RCAN2: variants seen among roughly 807,000 people sequenced by gnomAD.
RCAN2 encodes the protein regulator of calcineurin 2, also known as calcipressin-2.
RCAN2 carries 9 observed loss-of-function variants against 23.6 expected under a neutral mutation model. The ratio of observed to expected loss-of-function variants is 0.38; its 90% CI spans 0.23 to 0.67. The LOEUF (loss-of-function observed/expected upper bound fraction) is 0.67, where lower values mean the gene tolerates loss of function less well. Among genes scored for constraint, RCAN2 ranks in the 30% least tolerant of loss-of-function variants. RCAN2 has a pLI of 0.51. For missense variants in RCAN2, 273 were observed against 302.3 expected, an observed-to-expected ratio of 0.90 and a Z score of 0.72; for synonymous variants, 109 against 115.7, an observed-to-expected ratio of 0.94 and a Z score of 0.37.
At chr6:46,243,809 C>CA (rs376524527) in intron 4 of RCAN2, among the ~76,000 whole-genome samples, 2,747 of 54,922 alleles carry the variant, frequency 0.05, 346 homozygotes, top group East Asian at 0.18. Flanking sequence ...GATTCTGTCT[C>CA]AAAAAAAAAA....
chr6:46,237,638 T>C (rs1289329037), intron 4 of RCAN2, among the ~76,000 whole-genome samples: 1 of 152,196 alleles, frequency 6.6e-6, no homozygotes, highest in African/African-American at 2.4e-5. Context: ...TTGTTGTGTA[T>C]CGCTAATCCC....
rs555409298 is a variant in RCAN2 at position 46,293,965 on chromosome 6, T to G, written c.226-45069A>C. ...TTTTTTTTTGAGAATTGGAAAGACT[T>G]CAGAATAGCCTGTACTGTATTTATG... On this transcript the variant is annotated intron_variant, in intron 2 of 4. Transcript: ENST00000371374. Among the ~76,000 whole-genome samples, 3 of 152,206 alleles carry G rather than the reference T, an allele frequency of 2.0e-5. No individual in the cohort carries two copies. In the East Asian group the frequency reaches 5.8e-4, roughly 29 times the overall value.
chr6:46,303,857 G>A (rs752123138), intron 2 of RCAN2, among the ~76,000 whole-genome samples: 5 of 151,912 alleles, frequency 3.3e-5, no homozygotes, highest in Non-Finnish European at 7.4e-5. Flanking sequence ...CTATTTTTTG[G>A]TATGGACATT....
At chr6:46,263,539 A>ATGTGTGTGTG (rs59953064) in intron 2 of RCAN2, among the ~76,000 whole-genome samples, 2 of 82,374 alleles carry the variant, frequency 2.4e-5, no homozygotes, top group African/African-American at 3.4e-5. Context: ...GTGTGTGTGT[A>ATGTGTGTGTG]TGTGTGTGTG....
intron 2 of RCAN2, among the ~76,000 whole-genome samples, chr6:46,341,524 G>A (rs1764316697): frequency 6.6e-6 from 1 of 152,172 alleles, no homozygotes; most frequent in African/African-American, 2.4e-5. Context: ...ACTGGCCGGG[G>A]GCGGTGGCTC....
intron 4 of RCAN2, among the ~76,000 whole-genome samples, chr6:46,242,416 C>G (rs923089337): frequency 6.6e-6 from 1 of 152,174 alleles, no homozygotes; most frequent in African/African-American, 2.4e-5. Context: ...TGACTTAGCC[C>G]GAGTCCCATC....
Position 46,364,465 on chromosome 6 carries a change from T to C in RCAN2, c.225+92287A>G, listed in dbSNP as rs1765106459. 2.6e-5 allele frequency among the ~76,000 whole-genome samples: 4 copies of C among 152,114 alleles called. No homozygotes were observed. The South Asian group carries it at 8.3e-4, about 32-fold the overall frequency. ...TCAGTAAGTTGCATAATCTGACATA[T>C]CTCCAAGTTCTCCAATACTACCTAG... On this transcript the variant is annotated intron_variant, in intron 2 of 4. Coordinates refer to ENST00000371374, the MANE Select transcript of RCAN2 (RefSeq NM_001251974.2).
chr6:46,299,561 G>A lies in RCAN2; in HGVS notation c.226-50665C>T, dbSNP rs574428961. 3.9e-5 allele frequency among the ~76,000 whole-genome samples: 6 copies of A among 152,066 alleles called. No individual in the cohort carries two copies. In the East Asian group the frequency reaches 1.2e-3, roughly 29 times the overall value. On this transcript the variant is annotated intron_variant, in intron 2 of 4. Transcript: ENST00000371374. ...TTCATTTTCTCACATGAAAACTTGA[G>A]CTACTAAGAAGGCTTTCTTCCCCTC...
rs772357263 is a variant in RCAN2, at chr6:46,456,923, G to A, written c.54C>T (p.His18=). ...IGMRSPGQQG[H]VPEDGGLFLL... ...AGAAAAGTCCTCCATCTTCAGGGACGTGTCCCTGCTGCCCTGGGCTCCTCA... is the reference window on the plus strand; with the variant it reads ...AGAAAAGTCCTCCATCTTCAGGGACATGTCCCTGCTGCCCTGGGCTCCTCA... Residue 18 remains histidine, a synonymous_variant, in exon 2 of 5, where the codon CAC becomes CAT. Transcript: ENST00000371374. 5.8e-6 allele frequency: 9 copies of A among 1,550,678 alleles called. No homozygotes were observed. Among genetic ancestry groups the A allele is most frequent in the East Asian group, 4.9e-5 (2 of 40,930 alleles).
intron 2 of RCAN2, among the ~76,000 whole-genome samples, chr6:46,266,330 T>G (rs1157544366): frequency 6.6e-6 from 1 of 152,224 alleles, no homozygotes; most frequent in Non-Finnish European, 1.5e-5. Flanking sequence ...ACTGGTTTGT[T>G]CTTACAATCA....
chr6:46,446,315 C>A (rs968275980), intron 2 of RCAN2, among the ~76,000 whole-genome samples: 1 of 107,656 alleles, frequency 9.3e-6, no homozygotes, highest in East Asian at 2.6e-4. Context: ...GGTGGGGGTG[C>A]TGGGGGGAAA....
In RCAN2 at chr6:46,405,954, C is replaced by T. The variant is rs769383265; in HGVS notation, c.225+50798G>A. Among the ~76,000 whole-genome samples the T allele has an allele frequency of 6.0e-4, 91 of 152,328 alleles. 1 individual carries two copies. The highest frequency in any genetic ancestry group is 1.1e-3 in the Non-Finnish European group (72 of 68,024). ...CCTGGCAAGAGATCGAGCACAGCGC[C>T]GGTGGGTTGGCACTGCTGGGGGACC... On this transcript the variant is annotated intron_variant, in intron 2 of 4. Transcript: ENST00000371374.
intron 2 of RCAN2, among the ~76,000 whole-genome samples, chr6:46,394,392 G>C (rs1766027315): frequency 6.7e-6 from 1 of 149,186 alleles, no homozygotes; most frequent in South Asian, 2.2e-4. Flanking sequence ...GCCTATGTTA[G>C]TTTCACATTT....
At chr6:46,239,332 G>C (rs1254670277) in intron 4 of RCAN2, among the ~76,000 whole-genome samples, 1 of 152,188 alleles carries the variant, frequency 6.6e-6, no homozygotes, top group African/African-American at 2.4e-5. Context: ...CAGAGTCCAG[G>C]GAATTCAGTC....
At chr6:46,392,300 A>G (rs1261047674) in intron 2 of RCAN2, among the ~76,000 whole-genome samples, 2 of 152,196 alleles carry the variant, frequency 1.3e-5, no homozygotes, top group Non-Finnish European at 2.9e-5. Context: ...TTGGTATGGA[A>G]AAAGAAAGAA....
chr6:46,456,079 T>G (rs930623988), intron 2 of RCAN2, among the ~76,000 whole-genome samples: 1 of 152,188 alleles, frequency 6.6e-6, no homozygotes, highest in Non-Finnish European at 1.5e-5. Flanking sequence ...TTACTGTGAT[T>G]GCCAAAAACA....
intron 2 of RCAN2, among the ~76,000 whole-genome samples, chr6:46,263,521 A>ATGTGTG (rs1166873309): frequency 0.44 from 46,146 of 104,174 alleles, 9,261 homozygotes; most frequent in East Asian, 0.52. Context: ...GTATGTGTGT[A>ATGTGTG]TGTGTGTGTG....
At chr6:46,316,731 G>T (rs184729215) in intron 2 of RCAN2, among the ~76,000 whole-genome samples, 1 of 152,278 alleles carries the variant, frequency 6.6e-6, no homozygotes, top group African/African-American at 2.4e-5. Flanking sequence ...TCAATACATT[G>T]TTGCTATTAT....
chr6:46,309,070 T>A (rs1449756431), intron 2 of RCAN2, among the ~76,000 whole-genome samples: 1 of 152,054 alleles, frequency 6.6e-6, no homozygotes, highest in Non-Finnish European at 1.5e-5. Context: ...TCAAAACTAA[T>A]CAATAGAAAA....
Sources: allele counts gnomAD v4.1 joint callset (sites outside exome capture counted in the v4.1 genomes callset), GRCh38; gene constraint gnomAD v4.1.1; transcripts MANE v1.5; gene names NCBI Gene and HGNC (gene_info 2026-07-23, HGNC 2026-07-21).